Variants in LVRN observed in about 807,000 individuals in gnomAD.
LVRN encodes aminopeptidase Q.
A neutral mutation model predicts 111.4 loss-of-function variants in LVRN; 99 were observed. That is an observed-to-expected ratio of 0.89 (90% CI 0.76 to 1.05). The LOEUF is 1.05. Ranked by LOEUF, LVRN falls within the 50% of genes least tolerant of loss-of-function variation. LVRN has a pLI of 0.00. For synonymous variants in LVRN, 488 were observed against 449.5 expected, an observed-to-expected ratio of 1.09 and a Z score of -1.08; for missense variants, 1,414 against 1,206.8, an observed-to-expected ratio of 1.17 and a Z score of -2.54.
At chr5:115,995,027 G>A (rs963291834) in intron 6 of LVRN, among the ~76,000 whole-genome samples, 1 of 152,124 alleles carries the variant, frequency 6.6e-6, no homozygotes, top group African/African-American at 2.4e-5. Context: ...TCCAAGGCTG[G>A]ATTACTGACC....
intron 10 of LVRN, among the ~76,000 whole-genome samples, chr5:116,001,645 G>T (rs1013823818): frequency 6.6e-6 from 1 of 152,116 alleles, no homozygotes; most frequent in East Asian, 1.9e-4. Context: ...GAAACTGAAT[G>T]GTAACTATTT....
Position 115,962,771 on chromosome 5 carries a change from A to C in LVRN, c.154A>C (p.Arg52=). The C allele has an allele frequency of 5.0e-6, 8 of 1,611,334 alleles. No individual in the cohort carries two copies. The highest frequency in any genetic ancestry group is 6.8e-6 in the Non-Finnish European group (8 of 1,178,906). Residue 52 remains arginine, a synonymous_variant, in exon 1 of 20, where the codon AGG becomes CGG. Coordinates refer to ENST00000357872, the MANE Select transcript of LVRN (RefSeq NM_173800.5). ...CCCACCGTCGGAGCTGCCTGGACTC[A>C]GGGACTTGGAAGCCGAGTCTTCCCC... is the stretch of plus-strand genomic sequence containing the variant. ...RVPPSELPGL[R]DLEAESSPPL...
chr5:115,964,439 C>CT (rs1388176332), intron 1 of LVRN, among the ~76,000 whole-genome samples: 6 of 152,082 alleles, frequency 3.9e-5, no homozygotes, highest in Admixed American at 6.5e-5. Flanking sequence ...CTTGGTTTTT[C>CT]TTTAAAAAAT....
chr5:116,008,613 A>C (rs537986443), intron 13 of LVRN, among the ~76,000 whole-genome samples: 25 of 152,306 alleles, frequency 1.6e-4, no homozygotes, highest in African/African-American at 6.0e-4. Flanking sequence ...ATTAAAAAAA[A>C]AAAAGTGAAA....
chr5:116,023,571 G>C (rs1748801289), intron 19 of LVRN: 1 of 152,274 alleles, frequency 6.6e-6, no homozygotes, highest in South Asian at 2.1e-4. Flanking sequence ...CACACTAGGA[G>C]ACAGCCCCAC....
At chr5:115,968,328 T>A (rs1266354728) in intron 1 of LVRN, among the ~76,000 whole-genome samples, 2 of 152,224 alleles carry the variant, frequency 1.3e-5, no homozygotes, top group Non-Finnish European at 2.9e-5. Context: ...TAACACTTTT[T>A]CTGCATAAAT....
At chr5:115,999,050 C>T (rs746649732) in intron 6 of LVRN, among the ~76,000 whole-genome samples, 15 of 152,160 alleles carry the variant, frequency 9.9e-5, no homozygotes, top group Non-Finnish European at 1.9e-4. Context: ...GTTCACCTGG[C>T]TCTCCAGGCT....
chr5:116,011,031 G>GGTTTTCTGTAAAA, intron 14 of LVRN, 137 bp downstream of exon 14: 1 of 223,086 alleles, frequency 4.5e-6, no homozygotes, highest in South Asian at 2.0e-4. Flanking sequence ...ATATATGGAA[G>GGTTTTCTGTAAAA]TATATACATT....
intron 19 of LVRN, 108 bp from the exon 20 acceptor site, chr5:116,025,870 C>T: frequency 7.0e-7 from 1 of 1,422,782 alleles, no homozygotes; most frequent in Non-Finnish European, 9.6e-7. Context: ...CTCATTCCAA[C>T]CATCATCACC....
At chr5:115,981,929 C>T (rs897236440) in intron 1 of LVRN, among the ~76,000 whole-genome samples, 4 of 151,968 alleles carry the variant, frequency 2.6e-5, no homozygotes, top group Admixed American at 2.0e-4. Flanking sequence ...AACAGCAGTA[C>T]AAGGTAAATA....
chr5:116,008,463 G>A (rs1370942620), intron 13 of LVRN, among the ~76,000 whole-genome samples: 2 of 152,156 alleles, frequency 1.3e-5, no homozygotes, highest in Non-Finnish European at 2.9e-5. Flanking sequence ...AGCTAGAAAT[G>A]ATTAAGTTTA....
At chr5:115,982,438 G>A (rs888862011) in intron 1 of LVRN, among the ~76,000 whole-genome samples, 2 of 152,176 alleles carry the variant, frequency 1.3e-5, no homozygotes, top group Non-Finnish European at 2.9e-5. Context: ...AAGGAATTTA[G>A]CATCCACAGT....
chr5:115,968,933 A>T (rs557439077), intron 1 of LVRN, among the ~76,000 whole-genome samples: 1 of 152,248 alleles, frequency 6.6e-6, no homozygotes, highest in Admixed American at 6.5e-5. Flanking sequence ...CTTTGAAAGG[A>T]ATTGCAGCCG....
Position 115,992,247 on chromosome 5 carries a change from C to T in LVRN, c.1230C>T (p.Ser410=), listed in dbSNP as rs372326916. The T allele has an allele frequency of 5.0e-5, 81 of 1,613,730 alleles. No homozygotes were observed. Among genetic ancestry groups the T allele is most frequent in the Non-Finnish European group, 6.4e-5 (76 of 1,179,892 alleles). ...DQLTEKKTLI[S]YVVSHEIGHQ... is the part of the protein sequence containing the mutation. Reference sequence around the variant, plus strand: ...TGACAGAAAAAAAGACTCTGATCTCCTATGTTGTCTCCCACGAGATTGGAC... The same window carrying T: ...TGACAGAAAAAAAGACTCTGATCTCTTATGTTGTCTCCCACGAGATTGGAC... Residue 410 remains serine, a synonymous_variant, in exon 5 of 20, where the codon TCC becomes TCT. Transcript: ENST00000357872.
chr5:115,982,149 T>C (rs1428377679), intron 1 of LVRN, among the ~76,000 whole-genome samples: 2 of 152,162 alleles, frequency 1.3e-5, no homozygotes, highest in South Asian at 2.1e-4. Flanking sequence ...TACTATAAAT[T>C]ATTGTTTTTG....
Position 115,987,876 on chromosome 5 carries a change from A to G in LVRN, c.1042A>G (p.Thr348Ala). ...AAGTGCAGACTTTGCTTTGAACATC[A>G]CAGGTCCCATCTTCTCTTTTCTGGA... is the stretch of plus-strand genomic sequence containing the variant. ...NGSADFALNI[T>A]GPIFSFLEDL... Residue 348 changes from threonine (T) to alanine (A), a missense_variant, in exon 4 of 20, where the codon ACA becomes GCA. Physicochemically the swap from Thr to Ala is moderately conservative, Grantham distance 58 (BLOSUM62 0). Transcript: ENST00000357872. 6.2e-7 allele frequency: 1 copy of G among 1,613,530 alleles called. No homozygotes were observed. The highest frequency in any genetic ancestry group is 8.5e-7 in the Non-Finnish European group (1 of 1,179,654).
chr5:115,992,670 AGTT>A (rs1319750008), intron 5 of LVRN, among the ~76,000 whole-genome samples: 2 of 152,180 alleles, frequency 1.3e-5, no homozygotes, highest in Non-Finnish European at 2.9e-5. Context: ...ATAAATTTCT[AGTT>A]GTTGTTGCTG....
intron 8 of LVRN, 46 bp downstream of exon 8, chr5:116,000,544 T>G (rs1748216326): frequency 1.9e-6 from 3 of 1,612,906 alleles, no homozygotes; most frequent in African/African-American, 1.3e-5. Flanking sequence ...TAAACATAAA[T>G]TCCATTGGCA....
At chr5:116,010,005 A>G (rs527384102) in intron 13 of LVRN, among the ~76,000 whole-genome samples, 1 of 152,322 alleles carries the variant, frequency 6.6e-6, no homozygotes, top group South Asian at 2.1e-4. Flanking sequence ...TCTTTTGTGA[A>G]AGGAAATTGA....
Sources: allele counts gnomAD v4.1 joint callset (sites outside exome capture counted in the v4.1 genomes callset), GRCh38; gene constraint gnomAD v4.1.1; transcripts MANE v1.5; gene names NCBI Gene and HGNC (gene_info 2026-07-23, HGNC 2026-07-21).